SPATA16: variants seen among roughly 807,000 people sequenced by gnomAD.
SPATA16 encodes spermatogenesis associated 16, also known as spermatogenesis-associated protein 16.
SPATA16 carries 36 observed loss-of-function variants against 63.3 expected under a neutral mutation model. The observed-to-expected ratio is 0.57, with a 90% CI of 0.44 to 0.75. SPATA16 has a LOEUF of 0.75. Ranked by LOEUF, SPATA16 falls within the 30% of genes least tolerant of loss-of-function variation. The probability of loss-of-function intolerance (pLI) is 0.00; values close to 1 mark genes in which losing one functional copy is unlikely to be tolerated. For missense variants in SPATA16, 646 were observed against 679.3 expected (o/e 0.95, Z 0.54); for synonymous variants, 203 against 216.7 (o/e 0.94, Z 0.56).
At chr3:173,001,505 A>G (rs1382171709) in intron 4 of SPATA16, among the ~76,000 whole-genome samples, 2 of 152,120 alleles carry the variant, frequency 1.3e-5, no homozygotes, top group Admixed American at 1.3e-4. Flanking sequence ...TCTGATCTTT[A>G]CCGTAAGGAC....
At chr3:173,044,580 C>T (rs964576378) in intron 3 of SPATA16, among the ~76,000 whole-genome samples, 5 of 152,030 alleles carry the variant, frequency 3.3e-5, no homozygotes, top group Non-Finnish European at 7.4e-5. Context: ...ATCTGGGTCT[C>T]GAAGATCTAT....
chr3:173,013,485 C>CA (rs1172933860), intron 4 of SPATA16, among the ~76,000 whole-genome samples: 1 of 152,192 alleles, frequency 6.6e-6, no homozygotes, highest in East Asian at 1.9e-4. Flanking sequence ...GGGCCCAGAA[C>CA]AAAGACAGCA....
At chr3:173,072,954 A>G (rs1044736103) in intron 2 of SPATA16, among the ~76,000 whole-genome samples, 1 of 152,212 alleles carries the variant, frequency 6.6e-6, no homozygotes, top group Admixed American at 6.5e-5. Context: ...AATGAAATCT[A>G]GGCTGTTGTG....
chr3:173,035,137 A>C (rs1735686591), intron 3 of SPATA16, among the ~76,000 whole-genome samples: 2 of 152,164 alleles, frequency 1.3e-5, no homozygotes, highest in Non-Finnish European at 2.9e-5. Flanking sequence ...GCTACATTGG[A>C]TACTAACTGA....
intron 2 of SPATA16, among the ~76,000 whole-genome samples, chr3:173,075,864 G>T (rs1736789440): frequency 6.6e-6 from 1 of 152,060 alleles, no homozygotes; most frequent in Admixed American, 6.5e-5. Context: ...TAGCACAATA[G>T]GATGACTATA....
intron 2 of SPATA16, among the ~76,000 whole-genome samples, chr3:173,067,688 T>TA (rs1736556024): frequency 6.8e-6 from 1 of 147,200 alleles, no homozygotes; most frequent in South Asian, 2.2e-4. Flanking sequence ...GAGATAGGAG[T>TA]AAAAATTAAT....
intron 6 of SPATA16, among the ~76,000 whole-genome samples, chr3:172,941,797 C>T (rs1054952964): frequency 6.6e-6 from 1 of 151,690 alleles, no homozygotes; most frequent in African/African-American, 2.4e-5. Context: ...ACATTTATGA[C>T]CATAATAATT....
chr3:173,081,863 G>GCTTCATAC (rs1400375076), intron 2 of SPATA16, among the ~76,000 whole-genome samples: 3 of 152,152 alleles, frequency 2.0e-5, no homozygotes, highest in African/African-American at 7.2e-5. Flanking sequence ...TCAGGATTTA[G>GCTTCATAC]CTTCATACAG....
chr3:173,138,026 T>C (rs544345420), intron 1 of SPATA16, among the ~76,000 whole-genome samples: 1 of 152,276 alleles, frequency 6.6e-6, no homozygotes, highest in South Asian at 2.1e-4. Flanking sequence ...ATATCATGTT[T>C]TTGCTCCTTA....
intron 8 of SPATA16, among the ~76,000 whole-genome samples, chr3:172,921,617 T>C (rs1732616743): frequency 6.7e-6 from 1 of 149,178 alleles, no homozygotes; most frequent in African/African-American, 2.5e-5. Flanking sequence ...AGAAGAAAAA[T>C]AGGTAATTTC....
chr3:173,124,000 A>T (rs1332646514), intron 1 of SPATA16, among the ~76,000 whole-genome samples: 2 of 152,166 alleles, frequency 1.3e-5, no homozygotes, highest in Non-Finnish European at 2.9e-5. Flanking sequence ...GAAAAAAATG[A>T]TGTGGACATA....
At chr3:173,127,059 A>G (rs967847256) in intron 1 of SPATA16, among the ~76,000 whole-genome samples, 2 of 152,190 alleles carry the variant, frequency 1.3e-5, no homozygotes, top group African/African-American at 4.8e-5. Context: ...ACAAGTTTTT[A>G]TTTAAAATAA....
chr3:173,043,972 G>C (rs940481556), intron 3 of SPATA16, among the ~76,000 whole-genome samples: 8 of 151,988 alleles, frequency 5.3e-5, no homozygotes, highest in African/African-American at 1.9e-4. Flanking sequence ...CCAGTGATTT[G>C]TATCATTGTT....
intron 4 of SPATA16, among the ~76,000 whole-genome samples, chr3:172,992,769 G>T (rs112608378): frequency 1.3e-5 from 2 of 152,054 alleles, no homozygotes; most frequent in Non-Finnish European, 2.9e-5. Flanking sequence ...ATCCATTTTC[G>T]CTCTTCCTGA....
intron 5 of SPATA16, among the ~76,000 whole-genome samples, chr3:172,961,030 CTCTTTCTT>C (rs1173409218): frequency 7.3e-5 from 4 of 55,038 alleles, no homozygotes; most frequent in Admixed American, 2.3e-4. Flanking sequence ...CTCTCTTTCT[CTCTTTCTT>C]TCTTTCTTTC....
At chr3:173,083,558 G>A (rs1057279734) in intron 2 of SPATA16, among the ~76,000 whole-genome samples, 3 of 152,034 alleles carry the variant, frequency 2.0e-5, no homozygotes, top group South Asian at 2.1e-4. Context: ...GTAAACGTGC[G>A]CCCTGGTGGT....
chr3:172,967,851 C>G (rs1211818590), intron 5 of SPATA16, among the ~76,000 whole-genome samples: 4 of 152,196 alleles, frequency 2.6e-5, no homozygotes. Flanking sequence ...TGCAGGGAAA[C>G]AAGCTCAGGG....
intron 7 of SPATA16, 90 bp from the exon 8 acceptor site, chr3:172,924,407 A>C: frequency 4.1e-6 from 4 of 972,248 alleles, no homozygotes; most frequent in Non-Finnish European, 6.4e-6. Context: ...CGAATATCTC[A>C]ATATTAATAG....
At chr3:173,070,071 C>A (rs987722310) in intron 2 of SPATA16, among the ~76,000 whole-genome samples, 3 of 151,954 alleles carry the variant, frequency 2.0e-5, no homozygotes, top group African/African-American at 7.3e-5. Context: ...AACTGAACAC[C>A]TTTCCTCTAA....
Sources: allele counts gnomAD v4.1 joint callset (sites outside exome capture counted in the v4.1 genomes callset), GRCh38; gene constraint gnomAD v4.1.1; transcripts MANE v1.5; gene names NCBI Gene and HGNC (gene_info 2026-07-23, HGNC 2026-07-21).